The following PTPRD variants were observed in gnomAD, a reference collection of about 807,000 sequenced individuals.
The protein encoded by PTPRD is receptor-type tyrosine-protein phosphatase delta.
PTPRD carries 34 observed loss-of-function variants against 214.5 expected under a neutral mutation model. The observed-to-expected ratio is 0.16, with a 90% CI of 0.12 to 0.21. PTPRD has a LOEUF of 0.21. PTPRD is among the 10% of genes least tolerant of loss of function. The pLI is 1.00. For synonymous variants in PTPRD, 1,128 were observed against 845.7 expected (o/e 1.33, Z -5.79); for missense variants, 2,545 against 2,398.7 (o/e 1.06, Z -1.27).
chr9:10,274,346 G>A (rs1389888036), intron 3 of PTPRD, among the ~76,000 whole-genome samples: 1 of 152,112 alleles, frequency 6.6e-6, no homozygotes, highest in Non-Finnish European at 1.5e-5. Context: ...TGAATCCTTT[G>A]GCAGTTGGAC....
intron 10 of PTPRD, among the ~76,000 whole-genome samples, chr9:9,025,657 T>C (rs2099584526): frequency 6.6e-6 from 1 of 151,966 alleles, no homozygotes; most frequent in African/African-American, 2.4e-5. Flanking sequence ...ACACTCACAA[T>C]AATTTGGGAG....
At chr9:10,611,248 G>C (rs2080892476) in intron 2 of PTPRD, among the ~76,000 whole-genome samples, 1 of 152,048 alleles carries the variant, frequency 6.6e-6, no homozygotes, top group African/African-American at 2.4e-5. Context: ...AAAAAACTTA[G>C]GATTTGTTAA....
intron 11 of PTPRD, among the ~76,000 whole-genome samples, chr9:8,772,507 G>C (rs1383248048): frequency 2.0e-5 from 3 of 151,960 alleles, no homozygotes; most frequent in Non-Finnish European, 2.9e-5. Context: ...AAATCAGCTT[G>C]GTGTAGTGGT....
intron 10 of PTPRD, among the ~76,000 whole-genome samples, chr9:9,109,970 C>G (rs1378621619): frequency 3.9e-5 from 6 of 152,052 alleles, no homozygotes; most frequent in East Asian, 1.9e-4. Flanking sequence ...TGAGGTAGAT[C>G]TGGGGGTACT....
chr9:9,942,803 CAA>C (rs2091826448), intron 4 of PTPRD, among the ~76,000 whole-genome samples: 1 of 151,516 alleles, frequency 6.6e-6, no homozygotes, highest in Non-Finnish European at 1.5e-5. Flanking sequence ...ATTTTTTATC[CAA>C]GTTGCAATTT....
chr9:8,438,032 G>A (rs1272040231), intron 34 of PTPRD, among the ~76,000 whole-genome samples: 1 of 152,130 alleles, frequency 6.6e-6, no homozygotes, highest in Non-Finnish European at 1.5e-5. Context: ...TGTCCCCAGG[G>A]AAGCCACTGA....
At chr9:10,069,337 A>G (rs2097948323) in intron 3 of PTPRD, among the ~76,000 whole-genome samples, 1 of 151,988 alleles carries the variant, frequency 6.6e-6, no homozygotes, top group Admixed American at 6.6e-5. Context: ...ACTCCATTAC[A>G]GTTCCAGGAG....
At chr9:9,241,786 G>A (rs1252669194) in intron 9 of PTPRD, among the ~76,000 whole-genome samples, 1 of 151,390 alleles carries the variant, frequency 6.6e-6, no homozygotes, top group Non-Finnish European at 1.5e-5. Flanking sequence ...GATGGGTCTT[G>A]ACTCTTTATC....
At chr9:9,127,226 A>G (rs1319014874) in intron 10 of PTPRD, among the ~76,000 whole-genome samples, 1 of 152,182 alleles carries the variant, frequency 6.6e-6, no homozygotes, top group Non-Finnish European at 1.5e-5. Context: ...ATCCACACCA[A>G]CATGGGGAAA....
At chr9:9,559,264 C>T (rs1197554165) in intron 8 of PTPRD, among the ~76,000 whole-genome samples, 1 of 152,150 alleles carries the variant, frequency 6.6e-6, no homozygotes, top group Non-Finnish European at 1.5e-5. Context: ...GCATGAAGGG[C>T]AGCATATGCA....
chr9:9,662,589 T>A (rs573674239), intron 7 of PTPRD, among the ~76,000 whole-genome samples: 1 of 151,666 alleles, frequency 6.6e-6, no homozygotes, highest in Non-Finnish European at 1.5e-5. Context: ...AGTATCAACA[T>A]GAAAAGGCTA....
intron 3 of PTPRD, among the ~76,000 whole-genome samples, chr9:10,228,057 C>A (rs764655264): frequency 6.6e-6 from 1 of 151,778 alleles, no homozygotes; most frequent in African/African-American, 2.4e-5. Context: ...ATTTTAGGCC[C>A]ATTATGATTA....
Position 10,598,669 on chromosome 9 carries a change from T to C in PTPRD, c.-600+13729A>G, listed in dbSNP as rs1392908522. 2.6e-4 allele frequency among the ~76,000 whole-genome samples: 11 copies of C among 42,106 alleles called. No homozygotes were observed. In the Admixed American group the frequency reaches 5.4e-3, roughly 21 times the overall value. 27.6% of individuals were successfully genotyped at this position (42,106 alleles called of 152,430 possible). The stretch of plus-strand genomic sequence containing the variant: ...TTAAATGTTTTGAACCATTTTTATA[T>C]ATGTATGTGTGTGTGTGTGTGTGTG... On this transcript the variant is annotated intron_variant, in intron 2 of 45. Coordinates refer to ENST00000381196, the MANE Select transcript of PTPRD (RefSeq NM_002839.4).
At chr9:8,738,676 A>G (rs930587619) in intron 11 of PTPRD, among the ~76,000 whole-genome samples, 20 of 152,202 alleles carry the variant, frequency 1.3e-4, no homozygotes, top group Admixed American at 1.3e-3. Context: ...ATGAGTTCAT[A>G]ATTTTAAAAA....
chr9:10,193,165 G>A lies in PTPRD; in HGVS notation c.-545+147798C>T, dbSNP rs142542344. Among the ~76,000 whole-genome samples the A allele has an allele frequency of 2.4e-3, 370 of 152,088 alleles. 1 individual carries two copies. Among genetic ancestry groups the A allele is most frequent in the African/African-American group, 8.5e-3 (353 of 41,508 alleles). On this transcript the variant is annotated intron_variant, in intron 3 of 45. Coordinates refer to ENST00000381196, the MANE Select transcript of PTPRD (RefSeq NM_002839.4). ...CCCGTTAAATGATCTCTGGTCTTTA[G>A]AGACTCTATTATTGTCATTTTATCT...
chr9:9,687,622 T>C (rs905197158), intron 7 of PTPRD, among the ~76,000 whole-genome samples: 1 of 151,018 alleles, frequency 6.6e-6, no homozygotes, highest in African/African-American at 2.4e-5. Context: ...ACTTAAAGTA[T>C]AATAATAAAA....
At chr9:8,755,953 G>A (rs2093958109) in intron 11 of PTPRD, among the ~76,000 whole-genome samples, 1 of 152,236 alleles carries the variant, frequency 6.6e-6, no homozygotes, top group African/African-American at 2.4e-5. Context: ...ATGATAATAT[G>A]TGTTAAGACC....
intron 11 of PTPRD, among the ~76,000 whole-genome samples, chr9:8,771,096 G>C (rs900903384): frequency 1.8e-4 from 28 of 151,566 alleles, no homozygotes; most frequent in Non-Finnish European, 3.7e-4. Context: ...CAGGAGAATG[G>C]TGTGAACCTG....
intron 9 of PTPRD, among the ~76,000 whole-genome samples, chr9:9,358,860 C>T (rs553219790): frequency 7.3e-4 from 110 of 151,380 alleles, no homozygotes; most frequent in Non-Finnish European, 9.6e-4. Flanking sequence ...CAAGGCGAGA[C>T]GAACCAACTC....
Sources: gnomAD v4.1 joint callset for allele counts (sites outside exome capture counted in the v4.1 genomes callset) on GRCh38, gnomAD v4.1.1 for gene constraint, MANE v1.5 for transcripts, NCBI Gene and HGNC (gene_info 2026-07-23, HGNC 2026-07-21) for gene names.